GRM8: variants seen among roughly 807,000 people sequenced by gnomAD.
The protein encoded by GRM8 is metabotropic glutamate receptor 8.
Under a neutral mutation model 87.2 loss-of-function variants are expected in GRM8, and 47 were observed. That is an observed-to-expected ratio of 0.54 (90% CI 0.43 to 0.69). The LOEUF (loss-of-function observed/expected upper bound fraction) is 0.69. Among genes scored for constraint, GRM8 ranks in the 30% least tolerant of loss-of-function variants. The pLI is 0.00. For synonymous variants in GRM8, 396 were observed against 404.5 expected (o/e 0.98, Z 0.25); for missense variants, 1,019 against 1,139.2 (o/e 0.89, Z 1.52).
At chr7:127,072,181 A>T (rs1217634733) in intron 3 of GRM8, among the ~76,000 whole-genome samples, 1 of 152,112 alleles carries the variant, frequency 6.6e-6, no homozygotes, top group Non-Finnish European at 1.5e-5. Context: ...ATCACCCTGT[A>T]CACCCAACTA....
intron 9 of GRM8, among the ~76,000 whole-genome samples, chr7:126,523,498 A>AT (rs34139224): frequency 0.014 from 2,027 of 141,874 alleles, 18 homozygotes; most frequent in South Asian, 0.043. Context: ...AGACCTCTCA[A>AT]TTTTTTTTTT....
intron 7 of GRM8, among the ~76,000 whole-genome samples, chr7:126,704,196 C>T (rs566960699): frequency 1.3e-5 from 2 of 152,248 alleles, no homozygotes; most frequent in South Asian, 4.2e-4. Flanking sequence ...ATTAGTTCCC[C>T]AAATTAATAC....
At chr7:126,555,313 C>T (rs1314078447) in intron 8 of GRM8, among the ~76,000 whole-genome samples, 1 of 152,140 alleles carries the variant, frequency 6.6e-6, no homozygotes, top group African/African-American at 2.4e-5. Context: ...AAAGGAGATT[C>T]CTATTAATTG....
intron 7 of GRM8, among the ~76,000 whole-genome samples, chr7:126,714,272 C>T (rs1199540003): frequency 1.6e-5 from 2 of 128,002 alleles, no homozygotes; most frequent in Non-Finnish European, 3.2e-5. Context: ...AGCAAGACTC[C>T]ATCTCAAATA....
chr7:126,675,245 TA>T (rs1013349995), intron 7 of GRM8, among the ~76,000 whole-genome samples: 5 of 151,192 alleles, frequency 3.3e-5, no homozygotes, highest in South Asian at 2.1e-4. Context: ...AGTAATACCT[TA>T]AAAAAAAATC....
intron 6 of GRM8, among the ~76,000 whole-genome samples, chr7:126,836,014 A>T (rs990899093): frequency 6.6e-6 from 1 of 152,226 alleles, no homozygotes; most frequent in Non-Finnish European, 1.5e-5. Context: ...CCATATTTTT[A>T]AAAAATTCCT....
intron 6 of GRM8, among the ~76,000 whole-genome samples, chr7:126,801,538 AATAG>A (rs1822690380): frequency 1.5e-5 from 2 of 132,862 alleles, no homozygotes; most frequent in African/African-American, 3.2e-5. Context: ...AGGGCACCAA[AATAG>A]TATTACTATG....
At chr7:127,042,445 C>T (rs1031279795) in intron 3 of GRM8, among the ~76,000 whole-genome samples, 24 of 152,050 alleles carry the variant, frequency 1.6e-4, no homozygotes, top group Admixed American at 1.3e-3. Flanking sequence ...TAGGAAGAAA[C>T]GGAAAAAGAA....
intron 6 of GRM8, among the ~76,000 whole-genome samples, chr7:126,811,678 G>A (rs1334515828): frequency 6.6e-6 from 1 of 151,892 alleles, no homozygotes; most frequent in Non-Finnish European, 1.5e-5. Flanking sequence ...GATTATTGGT[G>A]TATACAAAGT....
intron 3 of GRM8, among the ~76,000 whole-genome samples, chr7:126,980,131 C>T (rs941067219): frequency 1.3e-5 from 2 of 152,200 alleles, no homozygotes; most frequent in East Asian, 1.9e-4. Context: ...CTTGGGCAGA[C>T]TTTATCTCCC....
intron 9 of GRM8, among the ~76,000 whole-genome samples, chr7:126,519,095 T>C (rs1382408750): frequency 1.3e-5 from 2 of 152,122 alleles, no homozygotes; most frequent in Non-Finnish European, 2.9e-5. Flanking sequence ...ACTTGAAAAC[T>C]AGTTGCAAAG....
chr7:127,111,654 C>A (rs1826359137), intron 2 of GRM8, among the ~76,000 whole-genome samples: 1 of 152,228 alleles, frequency 6.6e-6, no homozygotes, highest in Admixed American at 6.5e-5. Context: ...CCTAAAGCCA[C>A]TTGACTTTTC....
intron 3 of GRM8, among the ~76,000 whole-genome samples, chr7:127,042,152 T>A (rs1818485715): frequency 6.6e-6 from 1 of 152,238 alleles, no homozygotes; most frequent in Non-Finnish European, 1.5e-5. Context: ...CTGTTTTAAC[T>A]TTGAGAGCCT....
intron 8 of GRM8, among the ~76,000 whole-genome samples, chr7:126,551,417 T>G (rs192706074): frequency 2.6e-5 from 4 of 152,304 alleles, no homozygotes; most frequent in Admixed American, 2.6e-4. Context: ...GGTTTTATCC[T>G]TAATATTTTT....
chr7:127,188,156 T>C lies in GRM8; in HGVS notation c.510+54539A>G, dbSNP rs1389602094. Among the ~76,000 whole-genome samples the C allele has an allele frequency of 5.3e-5, 8 of 152,334 alleles. No individual in the cohort carries two copies. The South Asian group carries it at 1.7e-3, about 32-fold the overall frequency. On this transcript the variant is annotated intron_variant, in intron 2 of 10. Transcript: ENST00000339582. ...ACATGGAGTATTTCAGGAGGGCTCA[T>C]TGTATCCTCACAATAAACTTATGAC... is the stretch of plus-strand genomic sequence containing the variant.
chr7:126,928,624 G>T (rs939489746), intron 3 of GRM8, among the ~76,000 whole-genome samples: 1 of 149,622 alleles, frequency 6.7e-6, no homozygotes, highest in Non-Finnish European at 1.5e-5. Context: ...GTGAGCCAAG[G>T]TCATGCCAGT....
At chr7:126,667,862 A>G (rs1805941869) in intron 7 of GRM8, among the ~76,000 whole-genome samples, 1 of 152,214 alleles carries the variant, frequency 6.6e-6, no homozygotes. Flanking sequence ...TAGCCTCACC[A>G]TGGCAGAGGA....
chr7:126,905,681 T>C (rs748809383), intron 3 of GRM8, among the ~76,000 whole-genome samples: 3 of 152,164 alleles, frequency 2.0e-5, no homozygotes, highest in Non-Finnish European at 4.4e-5. Flanking sequence ...ACATTGGAAA[T>C]GCACAGTCTA....
chr7:126,577,198 C>T (rs985453139), intron 8 of GRM8, among the ~76,000 whole-genome samples: 1 of 152,266 alleles, frequency 6.6e-6, no homozygotes, highest in Admixed American at 6.5e-5. Context: ...CCAATCTAGG[C>T]ATGGGTGCCA....
Sources: allele counts gnomAD v4.1 joint callset (sites outside exome capture counted in the v4.1 genomes callset), GRCh38; gene constraint gnomAD v4.1.1; transcripts MANE v1.5; gene names NCBI Gene and HGNC (gene_info 2026-07-23, HGNC 2026-07-21).